OR1J2: variants seen among roughly 807,000 people sequenced by gnomAD.
OR1J2 encodes the protein olfactory receptor family 1 subfamily J member 2.
For synonymous variants in OR1J2, 142 were observed against 99.7 expected, an observed-to-expected ratio of 1.42 and a Z score of -2.52; for missense variants, 304 against 246.1, an observed-to-expected ratio of 1.24 and a Z score of -1.57.
chr9:122,525,802 G>A, the OR1J2 span, among the ~76,000 whole-genome samples: 1 of 152,244 alleles, frequency 6.6e-6, no homozygotes, highest in East Asian at 1.9e-4. Flanking sequence ...GATCTCTTTA[G>A]CTATTCTGCA....
At chr9:122,496,675 A>G in the OR1J2 span, among the ~76,000 whole-genome samples, 44 of 152,248 alleles carry the variant, frequency 2.9e-4, no homozygotes, top group East Asian at 5.4e-3. Context: ...ATGTAAGATG[A>G]ACATTGGTTT....
upstream of OR1J2, among the ~76,000 whole-genome samples, chr9:122,506,165 A>G (rs1828520996): frequency 6.6e-6 from 1 of 151,788 alleles, no homozygotes; most frequent in African/African-American, 2.4e-5. Context: ...TGGAGTCAGT[A>G]TTTTTTTTAA....
chr9:122,501,016 C>T, the OR1J2 span, among the ~76,000 whole-genome samples: 5 of 152,012 alleles, frequency 3.3e-5, no homozygotes, highest in African/African-American at 9.7e-5. Flanking sequence ...TTTGAAAGAA[C>T]ACAATAAAAA....
the OR1J2 span, among the ~76,000 whole-genome samples, chr9:122,499,620 A>T: frequency 1.3e-5 from 2 of 152,274 alleles, no homozygotes; most frequent in Admixed American, 1.3e-4. Context: ...CTGCACCAGG[A>T]TCTCTGCACA....
At chr9:122,559,623 A>G in the OR1J2 span, among the ~76,000 whole-genome samples, 1 of 152,226 alleles carries the variant, frequency 6.6e-6, no homozygotes, top group Admixed American at 6.5e-5. Context: ...GTTTCCATGT[A>G]GTTGTGTGTT....
chr9:122,480,455 C>T, the OR1J2 span, among the ~76,000 whole-genome samples: 1 of 151,778 alleles, frequency 6.6e-6, no homozygotes, highest in African/African-American at 2.4e-5. Flanking sequence ...TTCTTTCTAA[C>T]TTGTATTTTA....
chr9:122,539,827 T>C, the OR1J2 span, among the ~76,000 whole-genome samples: 1 of 152,256 alleles, frequency 6.6e-6, no homozygotes, highest in African/African-American at 2.4e-5. Flanking sequence ...TGAGATGGTA[T>C]CTCACTGTGG....
the OR1J2 span, among the ~76,000 whole-genome samples, chr9:122,565,307 T>C: frequency 0.046 from 6,961 of 152,318 alleles, 233 homozygotes; most frequent in Middle Eastern, 0.054. Flanking sequence ...CTGTGTCCCA[T>C]GTAAATACTC....
chr9:122,458,385 C>T, the OR1J2 span, among the ~76,000 whole-genome samples: 1 of 152,040 alleles, frequency 6.6e-6, no homozygotes, highest in East Asian at 1.9e-4. Context: ...TTGATGGGTT[C>T]AAAAAGTTTT....
chr9:122,525,373 A>G, the OR1J2 span, among the ~76,000 whole-genome samples: 5 of 152,016 alleles, frequency 3.3e-5, no homozygotes, highest in Non-Finnish European at 5.9e-5. Flanking sequence ...CTGAGAAACA[A>G]ACTTAAATGA....
the OR1J2 span, chr9:122,567,254 T>C: frequency 3.9e-6 from 1 of 254,726 alleles, no homozygotes; most frequent in Non-Finnish European, 7.4e-6. Context: ...AGAAATTTGT[T>C]TAGGAAATAT....
chr9:122,477,084 G>T, the OR1J2 span: 1 of 1,613,854 alleles, frequency 6.2e-7, no homozygotes, highest in South Asian at 1.1e-5. Context: ...ACATGGGAGT[G>T]ACTGCTGTGT....
the OR1J2 span, among the ~76,000 whole-genome samples, chr9:122,459,455 T>A: frequency 3.3e-5 from 5 of 152,236 alleles, no homozygotes; most frequent in Admixed American, 6.5e-5. Context: ...ACTTGCCCAG[T>A]AATGGCATAT....
At chr9:122,452,108 G>C in the OR1J2 span, among the ~76,000 whole-genome samples, 1 of 152,106 alleles carries the variant, frequency 6.6e-6, no homozygotes, top group Non-Finnish European at 1.5e-5. Flanking sequence ...TTGATTTCCT[G>C]ACCTTGTGAT....
At chr9:122,465,726 A>G in the OR1J2 span, among the ~76,000 whole-genome samples, 1 of 152,188 alleles carries the variant, frequency 6.6e-6, no homozygotes, top group African/African-American at 2.4e-5. Context: ...AGACAAACAA[A>G]TAGTTAAGGA....
the OR1J2 span, among the ~76,000 whole-genome samples, chr9:122,575,285 T>G: frequency 1.5e-3 from 234 of 152,242 alleles, 2 homozygotes; most frequent in African/African-American, 5.4e-3. Context: ...CTTTAAATGT[T>G]TAGTAGAATT....
chr9:122,534,184 T>G, the OR1J2 span, among the ~76,000 whole-genome samples: 2 of 152,162 alleles, frequency 1.3e-5, no homozygotes, highest in African/African-American at 4.8e-5. Context: ...GAGATGTGGC[T>G]GGGGTTTGTC....
the OR1J2 span, among the ~76,000 whole-genome samples, chr9:122,563,746 G>T: frequency 6.6e-6 from 1 of 152,186 alleles, no homozygotes; most frequent in South Asian, 2.1e-4. Flanking sequence ...ATAGTTTCAG[G>T]TCTTACAGTC....
At chr9:122,526,948 T>C in the OR1J2 span, 2 of 1,614,190 alleles carry the variant, frequency 1.2e-6, no homozygotes, top group East Asian at 2.2e-5. Flanking sequence ...TCATACGCCA[T>C]GGCAGCCAGG....
Sources: allele counts gnomAD v4.1 joint callset (sites outside exome capture counted in the v4.1 genomes callset), GRCh38; gene constraint gnomAD v4.1.1; transcripts MANE v1.5; gene names NCBI Gene and HGNC (gene_info 2026-07-23, HGNC 2026-07-21).